RIMS1: variants seen among roughly 807,000 people sequenced by gnomAD.
RIMS1 encodes the protein regulating synaptic membrane exocytosis protein 1.
RIMS1 carries 83 observed loss-of-function variants against 214.1 expected under a neutral mutation model. The observed-to-expected ratio is 0.39, with a 90% CI of 0.32 to 0.47. RIMS1 has a LOEUF of 0.47. RIMS1 is among the 20% of genes least tolerant of loss of function. RIMS1 has a pLI of 0.99. For missense variants in RIMS1, 2,050 were observed against 2,161.8 expected (o/e 0.95, Z 1.03); for synonymous variants, 793 against 786.8 (o/e 1.01, Z -0.13).
chr6:72,008,577 C>G (rs536504343), intron 2 of RIMS1, among the ~76,000 whole-genome samples: 86 of 152,074 alleles, frequency 5.7e-4, no homozygotes, highest in African/African-American at 1.9e-3. Context: ...TTCAGGAGAC[C>G]CATCTCACAT....
intron 1 of RIMS1, among the ~76,000 whole-genome samples, chr6:71,897,714 C>G (rs1284571413): frequency 2.6e-5 from 4 of 152,096 alleles, no homozygotes; most frequent in Admixed American, 6.6e-5. Context: ...CCTCTCAGTA[C>G]AGCATAAATT....
intron 4 of RIMS1, among the ~76,000 whole-genome samples, chr6:72,125,640 A>G (rs1315099035): frequency 6.6e-6 from 1 of 152,216 alleles, no homozygotes; most frequent in African/African-American, 2.4e-5. Context: ...AGTGGGGTCC[A>G]CCCAGTTCGA....
chr6:72,114,445 T>A (rs1376168580), intron 4 of RIMS1, among the ~76,000 whole-genome samples: 1 of 152,030 alleles, frequency 6.6e-6, no homozygotes, highest in Non-Finnish European at 1.5e-5. Context: ...AGCTCCTGAC[T>A]TTTAAAATAA....
intron 2 of RIMS1, among the ~76,000 whole-genome samples, chr6:72,082,977 C>T (rs1371041449): frequency 1.3e-5 from 2 of 152,080 alleles, no homozygotes; most frequent in Admixed American, 1.3e-4. Flanking sequence ...TTATTCTGAT[C>T]AAATATTAAA....
intron 6 of RIMS1, among the ~76,000 whole-genome samples, chr6:72,200,540 T>C (rs2051760297): frequency 6.6e-6 from 1 of 152,188 alleles, no homozygotes; most frequent in South Asian, 2.1e-4. Context: ...TTTGGACAAT[T>C]GGACAGGTTG....
At chr6:72,161,735 G>A (rs2045445981) in intron 4 of RIMS1, among the ~76,000 whole-genome samples, 1 of 140,950 alleles carries the variant, frequency 7.1e-6, no homozygotes, top group East Asian at 2.0e-4. Context: ...TAGTTTGATT[G>A]CACTGTGGTC....
chr6:72,386,005 T>C (rs2098594862), intron 29 of RIMS1, among the ~76,000 whole-genome samples: 1 of 152,208 alleles, frequency 6.6e-6, no homozygotes, highest in African/African-American at 2.4e-5. Context: ...ACAAAAACTT[T>C]AATATTAAAA....
In RIMS1 at chr6:72,237,777, T is replaced by C. The variant is rs745593039; in HGVS notation, c.1858-46T>C. 5.4e-6 allele frequency: 7 copies of C among 1,300,188 alleles called. No homozygotes were observed. The East Asian group carries it at 1.4e-4, about 26-fold the overall frequency. The allele number at this position is 1,300,188 out of a possible 1,614,324, so 80.5% of individuals were successfully genotyped here. A position where few individuals can be genotyped will look rare whatever the true frequency, so the allele number is the denominator to read the frequency against. ...TTAATTCCTCAAACTAATAAGCTTA[T>C]GTTTTAGTATGAGTCTTGGAAACTT... On this transcript the variant is annotated intron_variant, in intron 8 of 33. Transcript: ENST00000521978.
chr6:72,218,735 C>G (rs891967545), intron 6 of RIMS1, among the ~76,000 whole-genome samples: 2 of 152,076 alleles, frequency 1.3e-5, no homozygotes, highest in South Asian at 4.1e-4. Context: ...GGTTCATGTT[C>G]CCAGATATAT....
intron 9 of RIMS1, 43 bp downstream of exon 9, chr6:72,237,965 G>A (rs2064966904): frequency 7.4e-7 from 1 of 1,356,916 alleles, no homozygotes; most frequent in African/African-American, 1.5e-5. Context: ...TGTTCTCCAT[G>A]CATGAACATG....
rs72931855 is a variant in RIMS1 at position 72,255,489 on chromosome 6, A to G, written c.2771-2636A>G. Among the ~76,000 whole-genome samples the G allele has an allele frequency of 6.6e-5, 10 of 152,234 alleles. No homozygotes were observed. In the South Asian group the frequency reaches 1.0e-3, roughly 16 times the overall value. ...TCTGTTTTTATTTGATGTGTTTACT[A>G]TCTTTTTCCAGTTAGGGAAATGTAG... On this transcript the variant is annotated intron_variant, in intron 16 of 33. Coordinates refer to ENST00000521978, the MANE Select transcript of RIMS1 (RefSeq NM_014989.7).
At chr6:72,271,282 A>ATATAT (rs751448635) in intron 22 of RIMS1, among the ~76,000 whole-genome samples, 7 of 68,318 alleles carry the variant, frequency 1.0e-4, no homozygotes, top group African/African-American at 2.3e-4. Flanking sequence ...AAAAAAAAAA[A>ATATAT]AAAAATATAT....
At chr6:72,384,205 A>G (rs543540967) in intron 29 of RIMS1, among the ~76,000 whole-genome samples, 2 of 152,298 alleles carry the variant, frequency 1.3e-5, no homozygotes, top group East Asian at 3.9e-4. Context: ...CATAGAAACA[A>G]GCTCTACTAC....
chr6:72,189,473 G>A (rs754217107), intron 6 of RIMS1, among the ~76,000 whole-genome samples: 1 of 152,152 alleles, frequency 6.6e-6, no homozygotes, highest in South Asian at 2.1e-4. Context: ...GGTAGTCTTG[G>A]CAGCAGCATT....
intron 6 of RIMS1, among the ~76,000 whole-genome samples, chr6:72,222,270 CTAA>C (rs957601119): frequency 1.8e-4 from 27 of 152,054 alleles, no homozygotes; most frequent in African/African-American, 6.5e-4. Flanking sequence ...ACATAATTCT[CTAA>C]AAAGATAGTT....
chr6:72,393,607 G>C (rs1315589931), intron 31 of RIMS1, among the ~76,000 whole-genome samples: 1 of 151,956 alleles, frequency 6.6e-6, no homozygotes, highest in Non-Finnish European at 1.5e-5. Context: ...GGCACCTGTA[G>C]TCCCAGCTAC....
chr6:72,397,718 G>A (rs1347108549), intron 31 of RIMS1, among the ~76,000 whole-genome samples: 1 of 152,226 alleles, frequency 6.6e-6, no homozygotes, highest in Admixed American at 6.5e-5. Context: ...ATAGGAGTCT[G>A]ATTTAATAGG....
intron 1 of RIMS1, among the ~76,000 whole-genome samples, chr6:71,959,322 T>G (rs1792213831): frequency 6.6e-6 from 1 of 152,144 alleles, no homozygotes; most frequent in Non-Finnish European, 1.5e-5. Context: ...CCCATTTTAT[T>G]TTAGCTATTT....
rs755761649 is a variant in RIMS1, at chr6:72,265,564, G to A, written c.3308+61G>A. On this transcript the variant is annotated intron_variant, in intron 21 of 33. Transcript: ENST00000521978. ...TTGTTTATTGTTGTGAACCAAAAAA[G>A]TTGAGTTGTAAAATTATTTCTCCTC... The A allele has an allele frequency of 3.3e-4, 323 of 967,622 alleles. 1 individual carries two copies. The highest frequency in any genetic ancestry group is 4.4e-4 in the Non-Finnish European group (277 of 628,146). The allele number at this position is 967,622 out of a possible 1,614,324, so 59.9% of individuals were successfully genotyped here. A position where few individuals can be genotyped will look rare whatever the true frequency, so the allele number is the denominator to read the frequency against.
Sources: allele counts gnomAD v4.1 joint callset (sites outside exome capture counted in the v4.1 genomes callset), GRCh38; gene constraint gnomAD v4.1.1; transcripts MANE v1.5; gene names NCBI Gene and HGNC (gene_info 2026-07-23, HGNC 2026-07-21).